TNS1: variants seen among roughly 807,000 people sequenced by gnomAD.
TNS1 encodes the protein tensin 1.
TNS1 carries 62 observed loss-of-function variants against 168.6 expected under a neutral mutation model. That is an observed-to-expected ratio of 0.37 (90% CI 0.30 to 0.45). The LOEUF is 0.45. Among genes scored for constraint, TNS1 ranks in the 20% least tolerant of loss-of-function variants. The pLI is 1.00. For synonymous variants in TNS1, 934 were observed against 933.2 expected, an observed-to-expected ratio of 1.00 and a Z score of -0.02; for missense variants, 2,240 against 2,339.4, an observed-to-expected ratio of 0.96 and a Z score of 0.88.
chr2:217,902,675 G>T (rs570944994), intron 6 of TNS1, among the ~76,000 whole-genome samples: 1 of 152,122 alleles, frequency 6.6e-6, no homozygotes, highest in South Asian at 2.1e-4. Flanking sequence ...TGGCCAGGCC[G>T]CCTCCAGAGG....
At chr2:217,956,701 G>A (rs1957372027) in intron 3 of TNS1, among the ~76,000 whole-genome samples, 1 of 152,072 alleles carries the variant, frequency 6.6e-6, no homozygotes, top group African/African-American at 2.4e-5. Context: ...TGTCCCTCTG[G>A]GCAGCTCAGT....
At chr2:217,859,368 C>G (rs953696105) in intron 18 of TNS1, 26 of 425,400 alleles carry the variant, frequency 6.1e-5, no homozygotes, top group East Asian at 5.8e-4. Context: ...CTCTCTCCCC[C>G]TTTCCCCTCC....
intron 1 of TNS1, among the ~76,000 whole-genome samples, chr2:218,024,511 A>G (rs563479595): frequency 6.6e-6 from 1 of 152,146 alleles, no homozygotes; most frequent in Non-Finnish European, 1.5e-5. Context: ...CAGTGGAGGC[A>G]GGGGACAGTC....
chr2:217,986,464 C>T lies in TNS1; in HGVS notation c.148+4478G>A, dbSNP rs530051797. 2.8e-4 allele frequency among the ~76,000 whole-genome samples: 42 copies of T among 152,338 alleles called. No individual in the cohort carries two copies. The East Asian group carries it at 2.9e-3, about 11-fold the overall frequency. On this transcript the variant is annotated intron_variant, in intron 2 of 32. Coordinates refer to ENST00000682258, the MANE Select transcript of TNS1 (RefSeq NM_001387777.1). The surrounding 1 kb of genome is among the most constrained non-coding windows in gnomAD (Gnocchi z 4.7). ...TCAGGCCCTGATGGCAGCCCTCGGG[C>T]TGCTGAGCTGCCATCCTGGTATCTT...
chr2:217,843,892 T>G (rs73074375), intron 19 of TNS1, among the ~76,000 whole-genome samples: 3,449 of 152,282 alleles, frequency 0.023, 124 homozygotes, highest in African/African-American at 0.079. Context: ...TTTGTGAGAA[T>G]GATTCCAAAA....
intron 6 of TNS1, among the ~76,000 whole-genome samples, chr2:217,903,355 TCA>T (rs898391446): frequency 2.6e-5 from 4 of 152,190 alleles, no homozygotes; most frequent in African/African-American, 9.7e-5. Flanking sequence ...TGCACAGTGC[TCA>T]CATAATCTTC....
intron 12 of TNS1, among the ~76,000 whole-genome samples, chr2:217,889,216 G>A (rs945262585): frequency 6.6e-6 from 1 of 152,242 alleles, no homozygotes; most frequent in African/African-American, 2.4e-5. Context: ...CTCTGAGGCT[G>A]GCTATCAACT....
chr2:217,806,414 T>C (rs1939103936), intron 32 of TNS1, among the ~76,000 whole-genome samples: 1 of 152,184 alleles, frequency 6.6e-6, no homozygotes, highest in Admixed American at 6.5e-5. Context: ...GGCCTCTCCC[T>C]GTGGCCTCTG....
At chr2:218,020,967 G>A (rs979974568) in intron 1 of TNS1, among the ~76,000 whole-genome samples, 1 of 152,220 alleles carries the variant, frequency 6.6e-6, no homozygotes, top group African/African-American at 2.4e-5. Context: ...AGCGAGATGA[G>A]AGAAGACAAT....
At chr2:217,916,942 CGAG>C (rs1559353387) in intron 4 of TNS1, among the ~76,000 whole-genome samples, 2 of 152,258 alleles carry the variant, frequency 1.3e-5, no homozygotes, top group East Asian at 3.9e-4. Flanking sequence ...AGCAGCCTAC[CGAG>C]GCTGAAGGGC....
chr2:217,827,572 G>T (rs1574659366), intron 22 of TNS1, among the ~76,000 whole-genome samples: 1 of 152,322 alleles, frequency 6.6e-6, no homozygotes, highest in Non-Finnish European at 1.5e-5. Flanking sequence ...AGGGCACGGT[G>T]CCTGCAGGCA....
At chr2:217,922,612 C>T (rs1955783155) in intron 3 of TNS1, among the ~76,000 whole-genome samples, 2 of 152,208 alleles carry the variant, frequency 1.3e-5, no homozygotes, top group Admixed American at 1.3e-4. Flanking sequence ...ACATTTTGAA[C>T]CAGCAGCAGA....
chr2:217,834,480 G>T (rs1022431756), intron 21 of TNS1, among the ~76,000 whole-genome samples: 3 of 152,166 alleles, frequency 2.0e-5, no homozygotes, highest in African/African-American at 7.2e-5. Context: ...AAGGAACACT[G>T]CCCCATGCCT....
upstream of TNS1, among the ~76,000 whole-genome samples, chr2:218,007,178 C>A (rs989796700): frequency 6.6e-6 from 1 of 152,122 alleles, no homozygotes; most frequent in African/African-American, 2.4e-5. Flanking sequence ...CAGCACGAGA[C>A]CCAGGAATCT....
At chr2:217,890,202 G>T (rs1210054698) in intron 12 of TNS1, 1 of 152,182 alleles carries the variant, frequency 6.6e-6, no homozygotes, top group Non-Finnish European at 1.5e-5. Context: ...CCTCTAAGAG[G>T]TATTCCCTGA....
chr2:217,806,221 A>G (rs1425999001), intron 32 of TNS1, among the ~76,000 whole-genome samples: 1 of 152,236 alleles, frequency 6.6e-6, no homozygotes. Context: ...GGCTCCCGCA[A>G]TAGCCCAGTC....
At position 217,813,875 on chromosome 2, in the gene TNS1, A is replaced by T. The variant is rs1574582725; in HGVS notation, c.4730-59T>A. 61 of 1,508,190 alleles carry T rather than the reference A, an allele frequency of 4.0e-5. No individual in the cohort carries two copies. The South Asian group carries it at 7.6e-4, about 19-fold the overall frequency. The allele number at this position is 1,508,190 out of a possible 1,614,324, so 93.4% of individuals were successfully genotyped here. On this transcript the variant is annotated intron_variant, in intron 25 of 32. Coordinates refer to ENST00000682258, the MANE Select transcript of TNS1 (RefSeq NM_001387777.1). The surrounding 1 kb of genome is among the most constrained non-coding windows in gnomAD (Gnocchi z 4.0). Reference sequence around the variant, plus strand: ...GCAAGACCTCGGTGGCGCTAGTTTTACTTAAGTCTCATTGAGCCTACCGAC... The same window carrying T: ...GCAAGACCTCGGTGGCGCTAGTTTTTCTTAAGTCTCATTGAGCCTACCGAC...
chr2:217,968,269 A>G (rs1957695719), intron 3 of TNS1, among the ~76,000 whole-genome samples: 1 of 152,212 alleles, frequency 6.6e-6, no homozygotes, highest in African/African-American at 2.4e-5. Context: ...ACATCTAGTA[A>G]CATTGTATTG....
intron 3 of TNS1, among the ~76,000 whole-genome samples, chr2:217,947,915 C>T (rs1167738988): frequency 2.0e-5 from 3 of 152,174 alleles, no homozygotes; most frequent in East Asian, 1.9e-4. Flanking sequence ...CACACAGATG[C>T]GCGTGAAAAT....
Sources: allele counts gnomAD v4.1 joint callset (sites outside exome capture counted in the v4.1 genomes callset), GRCh38; gene constraint gnomAD v4.1.1; non-coding constraint Gnocchi (gnomAD v3.1); transcripts MANE v1.5; gene names NCBI Gene and HGNC (gene_info 2026-07-23, HGNC 2026-07-21).